Variants in EPB41L3 observed in about 807,000 individuals in gnomAD.
EPB41L3 encodes the protein erythrocyte membrane protein band 4.1 like 3.
A neutral mutation model predicts 127.1 loss-of-function variants in EPB41L3; 57 were observed. That is an observed-to-expected ratio of 0.45 (90% CI 0.36 to 0.56). The LOEUF is 0.56. EPB41L3 is among the 20% of genes least tolerant of loss of function. The pLI, the probability that EPB41L3 is intolerant of heterozygous loss-of-function variation, is 0.00. For missense variants in EPB41L3, 1,273 were observed against 1,372.2 expected, an observed-to-expected ratio of 0.93 and a Z score of 1.14; for synonymous variants, 572 against 549.5, an observed-to-expected ratio of 1.04 and a Z score of -0.57.
chr18:5,427,773 T>G (rs1173249791), intron 9 of EPB41L3, among the ~76,000 whole-genome samples: 1 of 151,262 alleles, frequency 6.6e-6, no homozygotes, highest in Non-Finnish European at 1.5e-5. Context: ...TGAGACGGAG[T>G]CTCGCTCTGT....
intron 3 of EPB41L3, among the ~76,000 whole-genome samples, chr18:5,612,142 C>A (rs1445560207): frequency 6.6e-6 from 1 of 150,850 alleles, no homozygotes; most frequent in African/African-American, 2.4e-5. Flanking sequence ...ATTTGGCCAC[C>A]CTGTGTAGAC....
Position 5,406,940 on chromosome 18 carries a change from A to G in EPB41L3, c.2186T>C (p.Met729Thr). The change falls in exon 16 of 23, where the codon ATG becomes ACG. Residue 729 changes from methionine to threonine, a missense_variant. Transcript: ENST00000341928. The part of the protein sequence containing the change: ...QELEKTQDDL[M>T]KHQTNISELK... ...CTCGCTAATGTTGGTTTGATGTTTC[A>G]TCAGGTCATCTTGAGTTTTTTCTAG... 6.2e-7 allele frequency: 1 copy of G among 1,614,192 alleles called. No individual in the cohort carries two copies. Among genetic ancestry groups the G allele is most frequent in the Non-Finnish European group, 8.5e-7 (1 of 1,180,016 alleles).
chr18:5,624,040 A>G (rs2094895604), intron 1 of EPB41L3, among the ~76,000 whole-genome samples: 1 of 152,270 alleles, frequency 6.6e-6, no homozygotes, highest in South Asian at 2.1e-4. Context: ...TTGCTCTGTC[A>G]CCCAGGCTGG....
At chr18:5,484,243 C>T (rs1230949736) in intron 2 of EPB41L3, among the ~76,000 whole-genome samples, 1 of 149,916 alleles carries the variant, frequency 6.7e-6, no homozygotes. Flanking sequence ...CCCTGAATGA[C>T]CAACGAGTCA....
chr18:5,477,369 G>T (rs2087451455), intron 3 of EPB41L3, among the ~76,000 whole-genome samples: 2 of 152,200 alleles, frequency 1.3e-5, no homozygotes, highest in African/African-American at 4.8e-5. Context: ...ACAGTGGAAT[G>T]AAGGGGGAGA....
chr18:5,474,631 C>T (rs1033339882), intron 3 of EPB41L3, among the ~76,000 whole-genome samples: 2 of 152,082 alleles, frequency 1.3e-5, no homozygotes, highest in African/African-American at 2.4e-5. Flanking sequence ...AAATAAAATG[C>T]TCTTTTTGAT....
At chr18:5,411,500 G>C (rs1442561911) in intron 13 of EPB41L3, among the ~76,000 whole-genome samples, 7 of 152,038 alleles carry the variant, frequency 4.6e-5, no homozygotes, top group Admixed American at 4.6e-4. Context: ...TTTCAGGACT[G>C]GTTTTTAATC....
At position 5,433,580 on chromosome 18, in the gene EPB41L3, C is replaced by G. The variant is rs774562550; in HGVS notation, c.825-24G>C. ...CTCTGATGAGAAGAAAAATATGTTA[C>G]AATGATGCTTTTCCCTTCCCTGGTA... is the stretch of plus-strand genomic sequence containing the variant. On this transcript the variant is annotated intron_variant, in intron 7 of 22. Coordinates refer to ENST00000341928, the MANE Select transcript of EPB41L3 (RefSeq NM_012307.5). 21 of 1,587,784 alleles carry G rather than the reference C, an allele frequency of 1.3e-5. 1 individual carries two copies. Among genetic ancestry groups the G allele is most frequent in the Non-Finnish European group, 1.8e-5 (21 of 1,161,752 alleles).
chr18:5,630,010 G>C (rs1027583115), upstream of EPB41L3, among the ~76,000 whole-genome samples: 2 of 152,198 alleles, frequency 1.3e-5, no homozygotes, highest in Non-Finnish European at 2.9e-5. Flanking sequence ...CCGAAGACTG[G>C]TGCGCTCGCC....
chr18:5,441,462 ATTTTTTTT>A (rs201943060), intron 5 of EPB41L3, among the ~76,000 whole-genome samples: 1 of 139,706 alleles, frequency 7.2e-6, no homozygotes. Flanking sequence ...TCGAATTCCA[ATTTTTTTT>A]TTTTTTTTTT....
intron 3 of EPB41L3, among the ~76,000 whole-genome samples, chr18:5,606,013 G>A (rs1468164829): frequency 6.6e-6 from 1 of 152,136 alleles, no homozygotes; most frequent in Non-Finnish European, 1.5e-5. Context: ...GGGCATGTGG[G>A]GGTGACAAGC....
intron 1 of EPB41L3, chr18:5,540,480 G>A (rs761764813): frequency 2.0e-6 from 2 of 985,292 alleles, no homozygotes; most frequent in African/African-American, 1.7e-5. Context: ...CACAACACCA[G>A]GCAGGACAAT....
intron 1 of EPB41L3, among the ~76,000 whole-genome samples, chr18:5,500,344 C>A (rs1385767230): frequency 6.6e-6 from 1 of 152,134 alleles, no homozygotes; most frequent in Non-Finnish European, 1.5e-5. Context: ...TCTGACTCTG[C>A]ATCTGTGAGA....
chr18:5,590,842 T>C (rs564310514), intron 3 of EPB41L3, among the ~76,000 whole-genome samples: 170 of 152,228 alleles, frequency 1.1e-3, no homozygotes, highest in African/African-American at 4.0e-3. Flanking sequence ...TTCCATTTGT[T>C]TGACACCCTA....
At chr18:5,487,761 G>A (rs1199003810) in intron 2 of EPB41L3, among the ~76,000 whole-genome samples, 15 of 150,622 alleles carry the variant, frequency 1.0e-4, no homozygotes, top group South Asian at 2.1e-4. Context: ...CACTGAGCCC[G>A]GCCTCAAATT....
At chr18:5,516,127 G>A (rs2092740996) in intron 1 of EPB41L3, among the ~76,000 whole-genome samples, 2 of 152,156 alleles carry the variant, frequency 1.3e-5, no homozygotes, top group South Asian at 2.1e-4. Context: ...CTTGATCCAA[G>A]CACCACATCC....
chr18:5,435,199 T>TA (rs924004893), intron 6 of EPB41L3, among the ~76,000 whole-genome samples: 2 of 152,098 alleles, frequency 1.3e-5, no homozygotes, highest in South Asian at 2.1e-4. Flanking sequence ...GTTTAAAAAG[T>TA]AAAAAAATTA....
At chr18:5,518,342 C>T (rs555084769) in intron 1 of EPB41L3, among the ~76,000 whole-genome samples, 6 of 152,270 alleles carry the variant, frequency 3.9e-5, no homozygotes, top group African/African-American at 1.4e-4. Flanking sequence ...CCTCCCACCC[C>T]GTGTACTCCC....
chr18:5,545,696 T>G (rs1333111326), upstream of EPB41L3, among the ~76,000 whole-genome samples: 1 of 152,162 alleles, frequency 6.6e-6, no homozygotes, highest in East Asian at 1.9e-4. Context: ...CGGAGGAGAC[T>G]ATGGTATTAA....
Sources: allele counts gnomAD v4.1 joint callset (sites outside exome capture counted in the v4.1 genomes callset), GRCh38; gene constraint gnomAD v4.1.1; transcripts MANE v1.5; gene names NCBI Gene and HGNC (gene_info 2026-07-23, HGNC 2026-07-21).